Variants in ROR2 observed in about 807,000 individuals in gnomAD.
The protein encoded by ROR2 is tyrosine-protein kinase transmembrane receptor ROR2.
In ROR2, 33 loss-of-function variants were observed where a neutral mutation model predicts 74.9. That is an observed-to-expected ratio of 0.44 (90% confidence interval 0.33 to 0.59). ROR2 has a LOEUF of 0.59. ROR2 is among the 20% of genes least tolerant of loss of function. ROR2 has a pLI of 0.02. For missense variants in ROR2, 1,216 were observed against 1,313.8 expected (o/e 0.93, Z 1.15); for synonymous variants, 586 against 558.7 (o/e 1.05, Z -0.69).
At chr9:91,948,992 C>A (rs923959497) in intron 1 of ROR2, 8 of 928,276 alleles carry the variant, frequency 8.6e-6, no homozygotes, top group Non-Finnish European at 1.0e-5. Context: ...CCCGCCGTTC[C>A]TCTGCGCCCC....
In ROR2 at chr9:91,821,548, C is replaced by T. The variant is rs112262943; in HGVS notation, c.98-45730G>A. 3.0e-3 allele frequency among the ~76,000 whole-genome samples: 464 copies of T among 152,240 alleles called. 4 individuals are homozygous for T. The highest frequency in any genetic ancestry group is 1.0e-2 in the African/African-American group (414 of 41,536). On this transcript the variant is annotated intron_variant, in intron 1 of 8. Transcript: ENST00000375708. ...TACAGTAGTACCCCCTGCCCCACAG[C>T]TCCCCTCCACAGCCATGCACCCCTG...
chr9:91,778,280 T>A (rs1226932348), intron 1 of ROR2, among the ~76,000 whole-genome samples: 2 of 152,256 alleles, frequency 1.3e-5, no homozygotes, highest in Admixed American at 6.5e-5. Context: ...TAATGGGCTA[T>A]CATCGTTCCT....
Position 91,724,091 on chromosome 9 carries a change from G to A in ROR2, c.2403C>T (p.Phe801=), listed in dbSNP as rs779461225. Reference sequence around the variant, plus strand: ...GTCTGATCTGGCCCTTCATGGGGATGAACTGGGGCTGTGGGAAGGGCGGGG... The same window carrying A: ...GTCTGATCTGGCCCTTCATGGGGATAAACTGGGGCTGTGGGAAGGGCGGGG... The part of the protein sequence containing the change: ...QKAPPFPQPQ[F]IPMKGQIRPM... The change falls in exon 9 of 9, where the codon TTC becomes TTT. Residue 801 remains phenylalanine, a synonymous_variant. Transcript: ENST00000375708. The A allele has an allele frequency of 3.7e-6, 6 of 1,611,184 alleles. No individual in the cohort carries two copies. Among genetic ancestry groups the A allele is most frequent in the African/African-American group, 1.3e-5 (1 of 74,942 alleles).
intron 2 of ROR2, among the ~76,000 whole-genome samples, chr9:91,770,118 G>C (rs1407238168): frequency 2.6e-5 from 4 of 152,184 alleles, no homozygotes. Flanking sequence ...TCTTTGCAGG[G>C]AAATTATTAA....
At chr9:91,909,652 C>A (rs1416892683) in intron 1 of ROR2, among the ~76,000 whole-genome samples, 1 of 150,372 alleles carries the variant, frequency 6.7e-6, no homozygotes, top group African/African-American at 2.5e-5. Flanking sequence ...ACACTCGGCC[C>A]CAGGCTCCTA....
At chr9:91,908,442 A>G (rs1256818265) in intron 1 of ROR2, among the ~76,000 whole-genome samples, 1 of 152,244 alleles carries the variant, frequency 6.6e-6, no homozygotes, top group Non-Finnish European at 1.5e-5. Context: ...TATCTTAACA[A>G]ACACCCATCT....
At chr9:91,899,350 C>T (rs565623327) in intron 1 of ROR2, among the ~76,000 whole-genome samples, 35 of 152,276 alleles carry the variant, frequency 2.3e-4, no homozygotes, top group Non-Finnish European at 4.4e-5. Context: ...CAGAGCAGGA[C>T]CCAGCACTTA....
chr9:91,915,860 T>A (rs1831119585), intron 1 of ROR2, among the ~76,000 whole-genome samples: 1 of 152,228 alleles, frequency 6.6e-6, no homozygotes, highest in Non-Finnish European at 1.5e-5. Context: ...TGCTGATTAG[T>A]GCATTTTACA....
intron 1 of ROR2, among the ~76,000 whole-genome samples, chr9:91,926,048 A>T (rs572911337): frequency 1.3e-5 from 2 of 151,796 alleles, no homozygotes; most frequent in African/African-American, 4.8e-5. Flanking sequence ...GTTCAAGACC[A>T]GCCTGGCCAA....
At chr9:91,888,626 C>T (rs975248166) in intron 1 of ROR2, among the ~76,000 whole-genome samples, 4 of 152,226 alleles carry the variant, frequency 2.6e-5, no homozygotes, top group African/African-American at 9.6e-5. Flanking sequence ...GCCCATGCGT[C>T]CTCTTCCACT....
chr9:91,752,518 A>G (rs1383125870), intron 4 of ROR2, among the ~76,000 whole-genome samples: 2 of 152,228 alleles, frequency 1.3e-5, no homozygotes, highest in African/African-American at 2.4e-5. Flanking sequence ...GTGATGTTTA[A>G]TAACAGGAAA....
chr9:91,750,418 G>T (rs563172979), intron 4 of ROR2, among the ~76,000 whole-genome samples: 5 of 152,276 alleles, frequency 3.3e-5, no homozygotes, highest in African/African-American at 9.6e-5. Flanking sequence ...TTTGGTTAAA[G>T]ACATCTTATT....
chr9:91,922,228 GA>G (rs559109198), intron 1 of ROR2, among the ~76,000 whole-genome samples: 66 of 151,950 alleles, frequency 4.3e-4, no homozygotes, highest in African/African-American at 1.5e-3. Context: ...AGCCACTGTG[GA>G]AAAGTCTGGC....
chr9:91,881,431 GAACTT>G (rs1241687522), intron 1 of ROR2, among the ~76,000 whole-genome samples: 1 of 152,150 alleles, frequency 6.6e-6, no homozygotes, highest in Non-Finnish European at 1.5e-5. Flanking sequence ...TATGCTGCAA[GAACTT>G]AACTCTTGTT....
At chr9:91,791,910 C>T (rs971543985) in intron 1 of ROR2, among the ~76,000 whole-genome samples, 1 of 152,008 alleles carries the variant, frequency 6.6e-6, no homozygotes, top group Admixed American at 6.6e-5. Flanking sequence ...TATGTTTAAC[C>T]ACAATGGAAT....
rs1587832813 is a variant in ROR2, at chr9:91,900,496, C to T, written c.97+49371G>A. On this transcript the variant is annotated intron_variant, in intron 1 of 8. Coordinates refer to ENST00000375708, the MANE Select transcript of ROR2 (RefSeq NM_004560.4). ...GGGACACGAGGGCGCCGGGCCTGCA[C>T]GTGGGACCCGCAGGAAACAAGAAAT... 2.0e-5 allele frequency among the ~76,000 whole-genome samples: 3 copies of T among 152,318 alleles called. No individual in the cohort carries two copies. In the East Asian group the frequency reaches 5.8e-4, roughly 29 times the overall value.
intron 1 of ROR2, among the ~76,000 whole-genome samples, chr9:91,803,021 C>T (rs780647784): frequency 2.0e-5 from 3 of 152,126 alleles, no homozygotes; most frequent in African/African-American, 4.8e-5. Flanking sequence ...CTAAGGCAGC[C>T]GTAAAAACAG....
chr9:91,933,582 G>A (rs950341517), intron 1 of ROR2, among the ~76,000 whole-genome samples: 4 of 152,168 alleles, frequency 2.6e-5, no homozygotes, highest in Non-Finnish European at 4.4e-5. Context: ...AGCCTGGCAT[G>A]TACTAATACA....
At chr9:91,814,159 G>C (rs1040360138) in intron 1 of ROR2, among the ~76,000 whole-genome samples, 1 of 152,160 alleles carries the variant, frequency 6.6e-6, no homozygotes, top group African/African-American at 2.4e-5. Flanking sequence ...CTGCACTCCA[G>C]CCTGGGTAAC....
Sources: gnomAD v4.1 joint callset for allele counts (sites outside exome capture counted in the v4.1 genomes callset) on GRCh38, gnomAD v4.1.1 for gene constraint, MANE v1.5 for transcripts, NCBI Gene and HGNC (gene_info 2026-07-23, HGNC 2026-07-21) for gene names.